PTPRT: variants seen among roughly 807,000 people sequenced by gnomAD.
The protein encoded by PTPRT is receptor-type tyrosine-protein phosphatase T.
Under a neutral mutation model 176.8 loss-of-function variants are expected in PTPRT, and 56 were observed. That is an observed-to-expected ratio of 0.32 (90% confidence interval 0.26 to 0.40). The LOEUF (loss-of-function observed/expected upper bound fraction) is 0.40, where lower values mean the gene tolerates loss of function less well. Ranked by LOEUF, PTPRT falls within the 10% of genes least tolerant of loss-of-function variation. The pLI is 1.00. For synonymous variants in PTPRT, 783 were observed against 739.0 expected, an observed-to-expected ratio of 1.06 and a Z score of -0.96; for missense variants, 1,540 against 1,908.2, an observed-to-expected ratio of 0.81 and a Z score of 3.60.
chr20:42,920,599 G>C (rs1352272620), intron 1 of PTPRT, among the ~76,000 whole-genome samples: 3 of 151,900 alleles, frequency 2.0e-5, no homozygotes, highest in Non-Finnish European at 4.4e-5. Context: ...AGGAAAAAAA[G>C]TCATGGTCAC....
At chr20:42,805,625 C>T (rs960149477) in intron 2 of PTPRT, among the ~76,000 whole-genome samples, 1 of 152,226 alleles carries the variant, frequency 6.6e-6, no homozygotes, top group Admixed American at 6.5e-5. Context: ...CCTGTAGACG[C>T]CCCCCAGGGA....
chr20:42,344,577 G>A (rs560093248), intron 11 of PTPRT, among the ~76,000 whole-genome samples: 1 of 152,200 alleles, frequency 6.6e-6, no homozygotes, highest in African/African-American at 2.4e-5. Context: ...GAAGGAGCTG[G>A]TGCATTCTGC....
At chr20:42,742,071 G>C (rs971643649) in intron 6 of PTPRT, among the ~76,000 whole-genome samples, 2 of 152,240 alleles carry the variant, frequency 1.3e-5, no homozygotes, top group Admixed American at 1.3e-4. Context: ...AAAAGCCACA[G>C]AGATGAGTGC....
intron 13 of PTPRT, among the ~76,000 whole-genome samples, chr20:42,277,220 A>C (rs2057054662): frequency 1.3e-5 from 2 of 152,100 alleles, no homozygotes; most frequent in Admixed American, 1.3e-4. Context: ...ATCGTTAGAG[A>C]GTGTTTACTA....
At chr20:42,291,306 A>T (rs1232616450) in intron 12 of PTPRT, among the ~76,000 whole-genome samples, 2 of 152,202 alleles carry the variant, frequency 1.3e-5, no homozygotes, top group African/African-American at 4.8e-5. Context: ...ACCAAAGTAG[A>T]CATGGTCCCT....
chr20:42,917,476 T>C (rs1471117674), intron 1 of PTPRT, among the ~76,000 whole-genome samples: 1 of 152,222 alleles, frequency 6.6e-6, no homozygotes, highest in East Asian at 1.9e-4. Context: ...AACTTTAAAG[T>C]AGTTTTTTCC....
chr20:42,981,091 G>A (rs1053303403), intron 1 of PTPRT, among the ~76,000 whole-genome samples: 6 of 152,090 alleles, frequency 3.9e-5, no homozygotes, highest in Admixed American at 6.5e-5. Context: ...AGAATTCCTC[G>A]TCCCTTTGTT....
chr20:42,851,038 A>T (rs1159143162), intron 2 of PTPRT, among the ~76,000 whole-genome samples: 1 of 152,172 alleles, frequency 6.6e-6, no homozygotes, highest in Non-Finnish European at 1.5e-5. Flanking sequence ...CCACTTCTTT[A>T]GATCTGCACT....
the PTPRT span, among the ~76,000 whole-genome samples, chr20:42,046,625 C>G: frequency 6.6e-6 from 1 of 152,222 alleles, no homozygotes; most frequent in Non-Finnish European, 1.5e-5. Context: ...AGGCGCCCAT[C>G]AAGGGCCTGT....
At chr20:42,122,785 G>A (rs536306587) in intron 19 of PTPRT, among the ~76,000 whole-genome samples, 149 of 152,232 alleles carry the variant, frequency 9.8e-4, no homozygotes, top group African/African-American at 3.4e-3. Context: ...GCTCCCTATT[G>A]TCTGCATGGT....
chr20:42,811,290 G>T (rs1286584733), intron 2 of PTPRT, among the ~76,000 whole-genome samples: 1 of 152,062 alleles, frequency 6.6e-6, no homozygotes, highest in Admixed American at 6.6e-5. Context: ...AGAGACAAAA[G>T]GACAGACGGA....
intron 17 of PTPRT, among the ~76,000 whole-genome samples, chr20:42,153,836 C>T (rs781536135): frequency 3.3e-5 from 5 of 152,190 alleles, no homozygotes; most frequent in Non-Finnish European, 7.3e-5. Context: ...ATGATCATAA[C>T]CTTGGTAACT....
At chr20:43,084,620 C>A (rs115247140) in intron 1 of PTPRT, among the ~76,000 whole-genome samples, 3 of 152,262 alleles carry the variant, frequency 2.0e-5, no homozygotes, top group Admixed American at 6.5e-5. Flanking sequence ...GGACACAGAG[C>A]CAAACCATAT....
chr20:42,840,812 C>A (rs1460028694), intron 2 of PTPRT, among the ~76,000 whole-genome samples: 2 of 152,172 alleles, frequency 1.3e-5, no homozygotes, highest in African/African-American at 4.8e-5. Flanking sequence ...TCTGCCTGCC[C>A]ATTGCCTGAA....
chr20:42,609,874 T>G (rs1457280387), intron 7 of PTPRT, among the ~76,000 whole-genome samples: 1 of 152,192 alleles, frequency 6.6e-6, no homozygotes. Context: ...CGTGAGCACA[T>G]TTTAAAATAT....
intron 17 of PTPRT, among the ~76,000 whole-genome samples, chr20:42,154,801 T>C (rs950892506): frequency 6.6e-5 from 10 of 152,166 alleles, no homozygotes; most frequent in African/African-American, 2.4e-4. Flanking sequence ...ATCTCTTATA[T>C]TTTGCTGTGA....
chr20:42,747,712 C>T (rs1167187000), intron 6 of PTPRT, among the ~76,000 whole-genome samples: 1 of 151,520 alleles, frequency 6.6e-6, no homozygotes, highest in Non-Finnish European at 1.5e-5. Flanking sequence ...TGGTGTGGTT[C>T]AAGGAAGAGG....
chr20:42,758,379 A>G (rs913586897), intron 5 of PTPRT, among the ~76,000 whole-genome samples: 3 of 152,048 alleles, frequency 2.0e-5, no homozygotes, highest in African/African-American at 7.2e-5. Flanking sequence ...GCTCAGCTCT[A>G]TGGCAGCAAA....
At chr20:42,123,526 G>C (rs1987696623) in intron 19 of PTPRT, among the ~76,000 whole-genome samples, 1 of 152,232 alleles carries the variant, frequency 6.6e-6, no homozygotes, top group Admixed American at 6.5e-5. Context: ...GGTCCCCTCA[G>C]AGGAGGTGGT....
Sources: allele counts gnomAD v4.1 joint callset (sites outside exome capture counted in the v4.1 genomes callset), GRCh38; gene constraint gnomAD v4.1.1; transcripts MANE v1.5; gene names NCBI Gene and HGNC (gene_info 2026-07-23, HGNC 2026-07-21).